NRG1: variants seen among roughly 807,000 people sequenced by gnomAD.
NRG1 encodes the protein neuregulin 1, also known as pro-neuregulin-1, membrane-bound isoform.
Under a neutral mutation model 63.8 loss-of-function variants are expected in NRG1, and 18 were observed. The observed-to-expected ratio is 0.28, with a 90% confidence interval of 0.19 to 0.42. The LOEUF is 0.42. Ranked by LOEUF, NRG1 falls within the 10% of genes least tolerant of loss-of-function variation. The pLI, the probability that NRG1 is intolerant of heterozygous loss-of-function variation, is 1.00. For synonymous variants in NRG1, 302 were observed against 301.3 expected (o/e 1.00, Z -0.02); for missense variants, 762 against 814.7 (o/e 0.94, Z 0.79).
intron 1 of NRG1, chr8:32,442,495 C>T (rs1249730238): frequency 1.3e-5 from 2 of 152,058 alleles, no homozygotes; most frequent in Non-Finnish European, 2.9e-5. Context: ...TCACTCAGGG[C>T]GCAGAACAAT....
intron 1 of NRG1, among the ~76,000 whole-genome samples, chr8:31,822,362 T>C (rs1015399819): frequency 1.3e-5 from 2 of 151,806 alleles, no homozygotes; most frequent in African/African-American, 4.8e-5. Flanking sequence ...TTGATGAGAG[T>C]GTTTGGAGAG....
chr8:32,603,100 T>C (rs1844651649), intron 2 of NRG1, among the ~76,000 whole-genome samples: 1 of 152,182 alleles, frequency 6.6e-6, no homozygotes, highest in African/African-American at 2.4e-5. Context: ...ATGTCTCTGG[T>C]TGATGTGTGA....
At chr8:32,489,307 G>T (rs1826264647) in intron 1 of NRG1, among the ~76,000 whole-genome samples, 1 of 152,146 alleles carries the variant, frequency 6.6e-6, no homozygotes, top group South Asian at 2.1e-4. Flanking sequence ...CTGCCATTTG[G>T]CCTCTTAGTG....
At chr8:31,948,965 C>A (rs1483424932) in intron 1 of NRG1, among the ~76,000 whole-genome samples, 1 of 152,072 alleles carries the variant, frequency 6.6e-6, no homozygotes, top group Non-Finnish European at 1.5e-5. Flanking sequence ...TGATTTAATT[C>A]AATTCAATTG....
intron 1 of NRG1, among the ~76,000 whole-genome samples, chr8:32,290,555 A>T (rs1339133043): frequency 6.6e-6 from 1 of 152,040 alleles, no homozygotes; most frequent in Non-Finnish European, 1.5e-5. Flanking sequence ...CTCCTGAATG[A>T]GAACTGGGTT....
chr8:31,800,905 A>G (rs1821715729), intron 1 of NRG1, among the ~76,000 whole-genome samples: 1 of 131,270 alleles, frequency 7.6e-6, no homozygotes, highest in Non-Finnish European at 1.5e-5. Context: ...CAGTGGTGCG[A>G]TCTCGGTTCA....
chr8:32,384,230 C>T (rs1351656444), intron 1 of NRG1, among the ~76,000 whole-genome samples: 1 of 152,108 alleles, frequency 6.6e-6, no homozygotes, highest in Non-Finnish European at 1.5e-5. Flanking sequence ...GAGCAAGACC[C>T]TGTCTCAAAA....
intron 1 of NRG1, among the ~76,000 whole-genome samples, chr8:32,243,453 C>T (rs2129469852): frequency 6.7e-6 from 1 of 148,244 alleles, no homozygotes; most frequent in South Asian, 2.1e-4. Flanking sequence ...AAAAAAAGGG[C>T]ATTAGTCATT....
intron 1 of NRG1, among the ~76,000 whole-genome samples, chr8:32,322,752 G>A (rs935878123): frequency 1.3e-5 from 2 of 151,832 alleles, no homozygotes; most frequent in African/African-American, 4.8e-5. Context: ...AACACATTTT[G>A]GTTCCAGAAC....
intron 1 of NRG1, among the ~76,000 whole-genome samples, chr8:31,738,743 T>A (rs1051273699): frequency 2.0e-5 from 3 of 152,064 alleles, no homozygotes; most frequent in African/African-American, 7.2e-5. Flanking sequence ...TGTCAATCCT[T>A]GGTGTTTGCT....
At chr8:32,606,514 C>T (rs902049762) in intron 3 of NRG1, among the ~76,000 whole-genome samples, 1 of 152,030 alleles carries the variant, frequency 6.6e-6, no homozygotes, top group African/African-American at 2.4e-5. Context: ...ATTAAAAGAA[C>T]CACCCCGATG....
At chr8:32,618,356 A>G (rs977485701) in intron 5 of NRG1, among the ~76,000 whole-genome samples, 13 of 152,326 alleles carry the variant, frequency 8.5e-5, no homozygotes, top group African/African-American at 3.1e-4. Context: ...CAATGGGACC[A>G]TAGATACTAT....
At chr8:32,063,839 A>G (rs879669270) in intron 1 of NRG1, among the ~76,000 whole-genome samples, 26 of 152,086 alleles carry the variant, frequency 1.7e-4, no homozygotes, top group Non-Finnish European at 2.8e-4. Context: ...TTTTTGTTTA[A>G]TAAACATTTC....
chr8:32,734,571 C>CATTAAGAAAA (rs1824527863), intron 6 of NRG1, among the ~76,000 whole-genome samples: 1 of 152,168 alleles, frequency 6.6e-6, no homozygotes, highest in South Asian at 2.1e-4. Context: ...ATATAGACAG[C>CATTAAGAAAA]ATTTGTGAGA....
At chr8:32,272,576 G>A (rs898830505) in intron 1 of NRG1, among the ~76,000 whole-genome samples, 68 of 152,144 alleles carry the variant, frequency 4.5e-4, no homozygotes, top group African/African-American at 1.6e-3. Context: ...TTTGAGGCAG[G>A]TGCCAGGAGA....
intron 1 of NRG1, among the ~76,000 whole-genome samples, chr8:32,070,605 G>T (rs1586884672): frequency 6.6e-6 from 1 of 151,992 alleles, no homozygotes; most frequent in East Asian, 1.9e-4. Flanking sequence ...AAAAAGTCCT[G>T]CTACTGTTAT....
chr8:32,225,701 G>A (rs1001066495), intron 1 of NRG1, among the ~76,000 whole-genome samples: 4 of 152,172 alleles, frequency 2.6e-5, no homozygotes, highest in Non-Finnish European at 4.4e-5. Context: ...AACATCTTCC[G>A]TAATAAGCAG....
rs75015200 is a variant in NRG1, at chr8:31,738,210, A to G, written c.37+98779A>G. On this transcript the variant is annotated intron_variant, in intron 1 of 10. Transcript: ENST00000519301. Reference sequence around the variant, plus strand: ...CACGGAGAAATGAAAACGTTTATGCAAGAAACTGATCTCGTTACTGAAAAG... The same window carrying G: ...CACGGAGAAATGAAAACGTTTATGCGAGAAACTGATCTCGTTACTGAAAAG... 7.0e-4 allele frequency among the ~76,000 whole-genome samples: 106 copies of G among 152,230 alleles called. 2 individuals are homozygous for G. In the East Asian group the frequency reaches 7.8e-3, roughly 11 times the overall value.
At chr8:31,670,950 CTT>C (rs778124650) in intron 1 of NRG1, among the ~76,000 whole-genome samples, 3 of 152,158 alleles carry the variant, frequency 2.0e-5, no homozygotes, top group Non-Finnish European at 4.4e-5. Flanking sequence ...AGTTCTCACC[CTT>C]CTCTCGCCCT....
Sources: gnomAD v4.1 joint callset for allele counts (sites outside exome capture counted in the v4.1 genomes callset) on GRCh38, gnomAD v4.1.1 for gene constraint, MANE v1.5 for transcripts, NCBI Gene and HGNC (gene_info 2026-07-23, HGNC 2026-07-21) for gene names.